Variants in PTPRD observed in about 807,000 individuals in gnomAD.
PTPRD encodes protein tyrosine phosphatase receptor type D.
Under a neutral mutation model 214.5 loss-of-function variants are expected in PTPRD, and 34 were observed. That is an observed-to-expected ratio of 0.16 (90% CI 0.12 to 0.21). The LOEUF is 0.21. Ranked by LOEUF, PTPRD falls within the 10% of genes least tolerant of loss-of-function variation. The probability of loss-of-function intolerance (pLI) is 1.00; values close to 1 mark genes in which losing one functional copy is unlikely to be tolerated. For missense variants in PTPRD, 2,545 were observed against 2,398.7 expected (o/e 1.06, Z -1.27); for synonymous variants, 1,128 against 845.7 (o/e 1.33, Z -5.79).
At chr9:8,427,350 A>T (rs2131949241) in intron 35 of PTPRD, among the ~76,000 whole-genome samples, 1 of 152,198 alleles carries the variant, frequency 6.6e-6, no homozygotes. Context: ...ACAGCAGGAC[A>T]CTCTTTCTTC....
At chr9:9,798,267 A>G (rs2099016717) in intron 5 of PTPRD, among the ~76,000 whole-genome samples, 1 of 152,204 alleles carries the variant, frequency 6.6e-6, no homozygotes, top group African/African-American at 2.4e-5. Flanking sequence ...TCAACAAGGG[A>G]AAATCATATT....
chr9:8,414,928 GGGGAGAGAGAGAGA>G (rs1185839576), intron 35 of PTPRD, among the ~76,000 whole-genome samples: 69 of 70,530 alleles, frequency 9.8e-4, no homozygotes, highest in African/African-American at 3.2e-3. Context: ...AGAGAGGGAG[GGGGAGAGAGAGAGA>G]GAGAGAGAGA....
At chr9:9,184,277 C>T (rs1264100174) in intron 9 of PTPRD, among the ~76,000 whole-genome samples, 1 of 152,044 alleles carries the variant, frequency 6.6e-6, no homozygotes. Context: ...TTCACCAAAA[C>T]ATTTCCCTTT....
At chr9:9,130,949 A>C (rs1164742394) in intron 10 of PTPRD, among the ~76,000 whole-genome samples, 1 of 152,182 alleles carries the variant, frequency 6.6e-6, no homozygotes, top group Non-Finnish European at 1.5e-5. Flanking sequence ...TAAAATAACT[A>C]ATTCTATCTT....
At chr9:8,445,511 A>G (rs1205072274) in intron 34 of PTPRD, among the ~76,000 whole-genome samples, 2 of 152,184 alleles carry the variant, frequency 1.3e-5, no homozygotes, top group Non-Finnish European at 2.9e-5. Flanking sequence ...GTATACTTTA[A>G]TAATGAAAGT....
chr9:9,538,811 G>A (rs1483379696), intron 8 of PTPRD, among the ~76,000 whole-genome samples: 2 of 151,838 alleles, frequency 1.3e-5, no homozygotes, highest in Non-Finnish European at 2.9e-5. Flanking sequence ...GAGTCAAGTA[G>A]AACTGAACCT....
chr9:10,371,000 C>T (rs1305616191), intron 2 of PTPRD, among the ~76,000 whole-genome samples: 2 of 151,904 alleles, frequency 1.3e-5, no homozygotes, highest in African/African-American at 2.4e-5. Flanking sequence ...TAATATTTTT[C>T]TCAGAATAAA....
intron 8 of PTPRD, among the ~76,000 whole-genome samples, chr9:9,450,943 A>G (rs13296420): frequency 7.9e-6 from 1 of 126,232 alleles, no homozygotes; most frequent in Non-Finnish European, 1.7e-5. Flanking sequence ...GTAAATACAT[A>G]CATACATACA....
At chr9:10,050,559 CAAAAAAAAAAAAAAAAAA>C (rs1164243746) in intron 3 of PTPRD, among the ~76,000 whole-genome samples, 14 of 13,998 alleles carry the variant, frequency 1.0e-3, no homozygotes, top group Admixed American at 5.7e-3. Flanking sequence ...GAGTCTGTCT[CAAAAAAAAAAAAAAAAAA>C]AAAAAAAAAA....
At chr9:8,349,987 G>C (rs2074982328) in intron 39 of PTPRD, among the ~76,000 whole-genome samples, 1 of 150,188 alleles carries the variant, frequency 6.7e-6, no homozygotes, top group Non-Finnish European at 1.5e-5. Flanking sequence ...GTGTTTACAA[G>C]CTGAAAGACT....
intron 39 of PTPRD, among the ~76,000 whole-genome samples, chr9:8,370,731 G>A (rs1306075187): frequency 6.6e-6 from 1 of 151,988 alleles, no homozygotes; most frequent in Admixed American, 6.6e-5. Context: ...TCAGAGAAAT[G>A]CCCCCAAAGG....
chr9:8,830,114 C>T (rs1349937386), intron 11 of PTPRD, among the ~76,000 whole-genome samples: 1 of 152,054 alleles, frequency 6.6e-6, no homozygotes, highest in Non-Finnish European at 1.5e-5. Context: ...ATGTTTTAAG[C>T]ATCACTATAG....
rs572323053 is a variant in PTPRD at position 9,661,903 on chromosome 9, T to C, written c.-287+72630A>G. 2.5e-3 allele frequency among the ~76,000 whole-genome samples: 377 copies of C among 151,834 alleles called. 2 individuals are homozygous for C. Among genetic ancestry groups the C allele is most frequent in the African/African-American group, 8.5e-3 (353 of 41,522 alleles). ...AGTTAAGTTATTTTGAAGCAAGTGC[T>C]ACTCTGGTGGAACAGTGAATTTAAT... On this transcript the variant is annotated intron_variant, in intron 7 of 45. Coordinates refer to ENST00000381196, the MANE Select transcript of PTPRD (RefSeq NM_002839.4).
intron 11 of PTPRD, among the ~76,000 whole-genome samples, chr9:8,917,276 C>T (rs560229058): frequency 2.0e-4 from 29 of 143,824 alleles, no homozygotes; most frequent in Admixed American, 4.4e-4. Context: ...TTACAGGTGC[C>T]CACCACCAGC....
chr9:9,683,591 A>G (rs1281951447), intron 7 of PTPRD, among the ~76,000 whole-genome samples: 1 of 151,774 alleles, frequency 6.6e-6, no homozygotes, highest in Non-Finnish European at 1.5e-5. Context: ...AAAGGGGACT[A>G]ATAAGAATTT....
At chr9:9,765,732 C>G (rs1462457010) in intron 6 of PTPRD, among the ~76,000 whole-genome samples, 1 of 152,196 alleles carries the variant, frequency 6.6e-6, no homozygotes, top group Non-Finnish European at 1.5e-5. Flanking sequence ...ATGATCTCGG[C>G]TCACTGCAAG....
intron 21 of PTPRD, 61 bp from the exon 22 acceptor site, chr9:8,507,495 C>A: frequency 6.2e-7 from 1 of 1,602,994 alleles, no homozygotes; most frequent in African/African-American, 1.3e-5. Context: ...CAAAGTTCTT[C>A]CATTAGCGTA....
intron 5 of PTPRD, among the ~76,000 whole-genome samples, chr9:9,835,067 G>C (rs1284435528): frequency 6.6e-6 from 1 of 151,860 alleles, no homozygotes; most frequent in Non-Finnish European, 1.5e-5. Flanking sequence ...ATCCAAAAGG[G>C]CATAAACTTT....
intron 3 of PTPRD, among the ~76,000 whole-genome samples, chr9:10,148,073 G>T (rs1335322466): frequency 6.6e-6 from 1 of 152,018 alleles, no homozygotes; most frequent in Admixed American, 6.6e-5. Context: ...TCTACCTCAT[G>T]CCCACCACCA....
Sources: allele counts gnomAD v4.1 joint callset (sites outside exome capture counted in the v4.1 genomes callset), GRCh38; gene constraint gnomAD v4.1.1; transcripts MANE v1.5; gene names NCBI Gene and HGNC (gene_info 2026-07-23, HGNC 2026-07-21).